The following PCCA variants were observed in gnomAD, a reference collection of about 807,000 sequenced individuals.
The protein encoded by PCCA is propionyl-CoA carboxylase subunit alpha.
In PCCA, 74 loss-of-function variants were observed where a neutral mutation model predicts 101.3. That is an observed-to-expected ratio of 0.73 (90% CI 0.61 to 0.89). The LOEUF is 0.89. PCCA is among the 40% of genes least tolerant of loss of function. The pLI is 0.00. For synonymous variants in PCCA, 294 were observed against 313.6 expected, an observed-to-expected ratio of 0.94 and a Z score of 0.66; for missense variants, 891 against 907.0, an observed-to-expected ratio of 0.98 and a Z score of 0.23.
chr13:100,130,554 T>G (rs755779238), intron 4 of PCCA, among the ~76,000 whole-genome samples: 2 of 117,500 alleles, frequency 1.7e-5, no homozygotes, highest in African/African-American at 7.3e-5. Context: ...AATGGAGAGT[T>G]TGTAGAAATT....
At chr13:100,452,789 T>C (rs573088168) in intron 21 of PCCA, among the ~76,000 whole-genome samples, 23 of 152,360 alleles carry the variant, frequency 1.5e-4, no homozygotes, top group Non-Finnish European at 2.9e-4. Context: ...CTCAGCGTGC[T>C]CTGCCCAGTG....
At position 100,459,018 on chromosome 13, in the gene PCCA, G is replaced by C. The variant is rs996869049; in HGVS notation, c.1899+9713G>C. Among the ~76,000 whole-genome samples the C allele has an allele frequency of 2.0e-5, 3 of 152,104 alleles. No individual in the cohort carries two copies. In the South Asian group the frequency reaches 6.2e-4, roughly 32 times the overall value. ...TTGGCGCCTCCCTAGAGGCTCTTAG[G>C]GAGGGTCTGTTCTGTGCCTCTCTCC... On this transcript the variant is annotated intron_variant, in intron 21 of 23. Transcript: ENST00000376285.
intron 21 of PCCA, among the ~76,000 whole-genome samples, chr13:100,453,703 C>T (rs973221660): frequency 3.3e-4 from 50 of 151,898 alleles, no homozygotes; most frequent in African/African-American, 1.2e-3. Context: ...CAGCAGGTGC[C>T]CTTCAATTTC....
At chr13:100,094,961 G>A (rs902656011) in intron 1 of PCCA, among the ~76,000 whole-genome samples, 3 of 152,190 alleles carry the variant, frequency 2.0e-5, no homozygotes, top group African/African-American at 7.2e-5. Flanking sequence ...GGACCTGGTG[G>A]CTTAAAACAA....
At chr13:100,235,750 G>T in intron 7 of PCCA, 92 bp from the exon 8 acceptor site, 1 of 818,448 alleles carries the variant, frequency 1.2e-6, no homozygotes, top group Non-Finnish European at 2.2e-6. Flanking sequence ...TAAATGAATC[G>T]GAGGAGACAG....
intron 22 of PCCA, chr13:100,527,370 G>T: frequency 2.0e-6 from 1 of 512,690 alleles, no homozygotes; most frequent in Middle Eastern, 3.0e-4. Flanking sequence ...TCCAATTTCC[G>T]AACACCTCTG....
chr13:100,134,370 A>G (rs1566547370), intron 4 of PCCA, among the ~76,000 whole-genome samples: 1 of 151,792 alleles, frequency 6.6e-6, no homozygotes, highest in Admixed American at 6.6e-5. Flanking sequence ...ATTCTGGTTC[A>G]TTTGCCTTTT....
chr13:100,151,465 C>T (rs2053309434), intron 4 of PCCA, among the ~76,000 whole-genome samples: 1 of 152,042 alleles, frequency 6.6e-6, no homozygotes, highest in South Asian at 2.1e-4. Flanking sequence ...GTGGCGCATG[C>T]CTGTAATCCC....
intron 1 of PCCA, among the ~76,000 whole-genome samples, chr13:100,097,885 A>G (rs1007946017): frequency 6.6e-6 from 1 of 152,158 alleles, no homozygotes; most frequent in African/African-American, 2.4e-5. Flanking sequence ...TTAGTGGGGC[A>G]TGGTGACATG....
chr13:100,144,456 A>G (rs1438586638), intron 4 of PCCA, among the ~76,000 whole-genome samples: 2 of 152,204 alleles, frequency 1.3e-5, no homozygotes, highest in East Asian at 3.9e-4. Context: ...GGCTGTAGTA[A>G]TTTAGGACTG....
chr13:100,453,927 C>T (rs777085828), intron 21 of PCCA, among the ~76,000 whole-genome samples: 1 of 152,144 alleles, frequency 6.6e-6, no homozygotes, highest in Non-Finnish European at 1.5e-5. Flanking sequence ...TGCAGTGGCG[C>T]GATCTCGATA....
intron 21 of PCCA, among the ~76,000 whole-genome samples, chr13:100,505,989 G>A (rs1281963128): frequency 3.3e-5 from 5 of 152,242 alleles, no homozygotes; most frequent in Admixed American, 6.5e-5. Context: ...GCAGATCTTC[G>A]TAAATTTAAT....
intron 7 of PCCA, among the ~76,000 whole-genome samples, chr13:100,230,450 CAAGA>C (rs2060400655): frequency 6.6e-6 from 1 of 150,436 alleles, no homozygotes; most frequent in Non-Finnish European, 1.5e-5. Flanking sequence ...GAGGCTAAGG[CAAGA>C]GAACTACTTG....
At chr13:100,149,370 C>T (rs1264575756) in intron 4 of PCCA, 2 of 151,952 alleles carry the variant, frequency 1.3e-5, no homozygotes, top group Admixed American at 6.6e-5. Flanking sequence ...TAAGTACATT[C>T]ACATTGTTGT....
intron 9 of PCCA, among the ~76,000 whole-genome samples, chr13:100,258,517 C>T (rs1032110484): frequency 2.0e-5 from 3 of 152,164 alleles, no homozygotes; most frequent in African/African-American, 7.2e-5. Flanking sequence ...CTGTTTTGCA[C>T]AGTACTTACA....
chr13:100,165,178 A>G (rs976328523), intron 6 of PCCA, among the ~76,000 whole-genome samples: 1 of 152,082 alleles, frequency 6.6e-6, no homozygotes, highest in Non-Finnish European at 1.5e-5. Context: ...GCTTCTTTTT[A>G]GTATATAGCT....
intron 1 of PCCA, among the ~76,000 whole-genome samples, chr13:100,097,546 C>G (rs1347694138): frequency 6.6e-6 from 1 of 152,052 alleles, no homozygotes; most frequent in Non-Finnish European, 1.5e-5. Context: ...ATGAAGAAAC[C>G]CCATCTCTAC....
intron 13 of PCCA, among the ~76,000 whole-genome samples, chr13:100,301,834 C>T (rs987190089): frequency 6.6e-6 from 1 of 152,112 alleles, no homozygotes; most frequent in Non-Finnish European, 1.5e-5. Context: ...AAATAGCTAC[C>T]AATCCTTTAA....
intron 6 of PCCA, among the ~76,000 whole-genome samples, chr13:100,199,535 G>C (rs2058344201): frequency 6.6e-6 from 1 of 152,026 alleles, no homozygotes; most frequent in Non-Finnish European, 1.5e-5. Flanking sequence ...CCCCATTCTT[G>C]GTGTTTCCTA....
Sources: allele counts gnomAD v4.1 joint callset (sites outside exome capture counted in the v4.1 genomes callset), GRCh38; gene constraint gnomAD v4.1.1; transcripts MANE v1.5; gene names NCBI Gene and HGNC (gene_info 2026-07-23, HGNC 2026-07-21).